The following ODR4 variants were observed in gnomAD, a reference collection of about 807,000 sequenced individuals.
The protein encoded by ODR4 is odr-4 GPCR localization factor homolog, also known as protein odr-4 homolog.
In ODR4, 47 loss-of-function variants were observed where a neutral mutation model predicts 60.2. That is an observed-to-expected ratio of 0.78 (90% CI 0.62 to 1.00). ODR4 has a LOEUF of 1.00. ODR4 is among the 50% of genes least tolerant of loss of function. The probability of loss-of-function intolerance (pLI) is 0.00; values close to 1 mark genes in which losing one functional copy is unlikely to be tolerated. For missense variants in ODR4, 488 were observed against 530.8 expected (o/e 0.92, Z 0.79); for synonymous variants, 178 against 175.5 (o/e 1.01, Z -0.11).
At chr1:186,401,040 C>T in intron 11 of ODR4, 1 of 1,589,682 alleles carries the variant, frequency 6.3e-7, no homozygotes, top group Middle Eastern at 1.7e-4. Flanking sequence ...TCAGGATTTG[C>T]AGGGTATGGG....
At chr1:186,399,991 T>C (rs1333359940) in intron 11 of ODR4, among the ~76,000 whole-genome samples, 1 of 121,144 alleles carries the variant, frequency 8.3e-6, no homozygotes, top group Non-Finnish European at 1.7e-5. Flanking sequence ...TTTTTTTTTC[T>C]TTTTTTTTTT....
At chr1:186,390,669 T>C (rs764174056) in intron 6 of ODR4, 42 bp from the exon 7 acceptor site, 1 of 1,598,394 alleles carries the variant, frequency 6.3e-7, no homozygotes, top group Admixed American at 1.7e-5. Flanking sequence ...GTATTTTATC[T>C]AGACTACATC....
chr1:186,414,863 G>A (rs545890073), intron 12 of ODR4, among the ~76,000 whole-genome samples: 7 of 152,234 alleles, frequency 4.6e-5, no homozygotes, highest in South Asian at 2.1e-4. Context: ...TAGAAGAGCC[G>A]AAGTTTGTTT....
At position 186,400,180 on chromosome 1, in the gene ODR4, C is replaced by T. The variant is rs192195175; in HGVS notation, c.1000+1136C>T. ...CTAATTTTTGTATTTTTAGTAGAGA[C>T]GGGGTTTCACCGTGTTAGCCAGGAT... On this transcript the variant is annotated intron_variant, in intron 11 of 13. Transcript: ENST00000287859. Among the ~76,000 whole-genome samples the T allele has an allele frequency of 2.1e-4, 32 of 150,540 alleles. No homozygotes were observed. The East Asian group carries it at 4.1e-3, about 19-fold the overall frequency.
chr1:186,423,392 A>G (rs1243861823), downstream of ODR4, among the ~76,000 whole-genome samples: 1 of 146,434 alleles, frequency 6.8e-6, no homozygotes, highest in Non-Finnish European at 1.5e-5. Flanking sequence ...ACTAAGTTGT[A>G]TACTTTAAAA....
intron 3 of ODR4, among the ~76,000 whole-genome samples, chr1:186,384,950 C>G (rs535574491): frequency 6.6e-6 from 1 of 152,176 alleles, no homozygotes; most frequent in South Asian, 2.1e-4. Context: ...AACCAAAACA[C>G]TCTAATCTCT....
Position 186,417,564 on chromosome 1 carries a change from A to C in ODR4, c.1207A>C (p.Asn403His). The change falls in exon 13 of 14, where the codon AAT (asparagine) becomes CAT (histidine). Residue 403 changes from asparagine (N) to histidine (H), a missense_variant. Asn to His is a moderately conservative substitution (Grantham distance 68, BLOSUM62 1). Transcript: ENST00000287859. Reference protein sequence around the residue: ...TNTACMSSSMNSQASLDNTDD... With the variant: ...TNTACMSSSMHSQASLDNTDD... The stretch of plus-strand genomic sequence containing the variant: ...TTCAGCTTGTATGAGTTCTTCTATG[A>C]ATAGTCAAGCTTCATTGGACAACAC... 1 of 1,590,658 alleles carries C rather than the reference A, an allele frequency of 6.3e-7. No individual in the cohort carries two copies. The highest frequency in any genetic ancestry group is 8.6e-7 in the Non-Finnish European group (1 of 1,164,874).
intron 9 of ODR4, 59 bp from the exon 10 acceptor site, chr1:186,398,254 A>G: frequency 7.1e-7 from 1 of 1,415,676 alleles, no homozygotes; most frequent in Non-Finnish European, 9.4e-7. Context: ...TAATGTTTAA[A>G]TATTTCCTGT....
At chr1:186,399,518 C>T (rs1040736930) in intron 11 of ODR4, among the ~76,000 whole-genome samples, 7 of 99,540 alleles carry the variant, frequency 7.0e-5, no homozygotes, top group Admixed American at 4.0e-4. Context: ...TCTAGAAAAA[C>T]GTTTTAGAAC....
chr1:186,406,857 C>T (rs1661194306), intron 12 of ODR4, among the ~76,000 whole-genome samples: 1 of 151,904 alleles, frequency 6.6e-6, no homozygotes, highest in Non-Finnish European at 1.5e-5. Flanking sequence ...CTTTGGAAGA[C>T]TGTTTGGGTT....
downstream of ODR4, among the ~76,000 whole-genome samples, chr1:186,421,806 G>A (rs1004841723): frequency 5.3e-5 from 8 of 149,624 alleles, no homozygotes; most frequent in African/African-American, 2.0e-4. Context: ...GAAGGTTGCA[G>A]TGAGGAGATT....
intron 2 of ODR4, among the ~76,000 whole-genome samples, chr1:186,380,833 T>C (rs986030196): frequency 9.9e-5 from 15 of 152,234 alleles, no homozygotes; most frequent in Admixed American, 6.5e-4. Context: ...TATCTACTTA[T>C]AAAGAATACA....
intron 8 of ODR4, among the ~76,000 whole-genome samples, chr1:186,393,284 A>C (rs1180348640): frequency 6.6e-6 from 1 of 152,200 alleles, no homozygotes; most frequent in Non-Finnish European, 1.5e-5. Flanking sequence ...TTAAAAGTTA[A>C]AAAATAAGTC....
intron 11 of ODR4, among the ~76,000 whole-genome samples, chr1:186,401,788 A>G (rs149081728): frequency 2.3e-4 from 35 of 151,956 alleles, no homozygotes; most frequent in African/African-American, 5.6e-4. Flanking sequence ...TTTTGTGTCT[A>G]TGTTCATCAG....
chr1:186,386,480 A>G (rs1282189417), intron 4 of ODR4, among the ~76,000 whole-genome samples: 2 of 152,160 alleles, frequency 1.3e-5, no homozygotes, highest in African/African-American at 2.4e-5. Flanking sequence ...AATTATGCAA[A>G]CAAATAATTC....
At chr1:186,383,584 A>T (rs752552821) in intron 3 of ODR4, among the ~76,000 whole-genome samples, 1 of 151,946 alleles carries the variant, frequency 6.6e-6, no homozygotes, top group East Asian at 1.9e-4. Flanking sequence ...TTTAAGAAAA[A>T]GAATTTTCTT....
chr1:186,426,344 C>G (rs115607913), downstream of ODR4, among the ~76,000 whole-genome samples: 899 of 152,264 alleles, frequency 5.9e-3, 11 homozygotes, highest in African/African-American at 0.021. Flanking sequence ...GTTGGGTGGC[C>G]CTGCTCCACG....
chr1:186,433,074 G>A, the ODR4 span, among the ~76,000 whole-genome samples: 2 of 151,968 alleles, frequency 1.3e-5, no homozygotes, highest in Admixed American at 6.6e-5. Flanking sequence ...GTGAGCTACC[G>A]CACCCGGCCA....
At chr1:186,422,326 A>G (rs1349396146), downstream of ODR4, among the ~76,000 whole-genome samples, 1 of 152,172 alleles carries the variant, frequency 6.6e-6, no homozygotes, top group Non-Finnish European at 1.5e-5. Flanking sequence ...AATGGCCCCA[A>G]AATGTATGAA....
Sources: gnomAD v4.1 joint callset for allele counts (sites outside exome capture counted in the v4.1 genomes callset) on GRCh38, gnomAD v4.1.1 for gene constraint, MANE v1.5 for transcripts, NCBI Gene and HGNC (gene_info 2026-07-23, HGNC 2026-07-21) for gene names.